PDXDC1: variants seen among roughly 807,000 people sequenced by gnomAD.
PDXDC1 encodes pyridoxal dependent decarboxylase domain containing 1, also known as pyridoxal-dependent decarboxylase domain-containing protein 1.
PDXDC1 carries 42 observed loss-of-function variants against 100.1 expected under a neutral mutation model. The ratio of observed to expected loss-of-function variants is 0.42; its 90% CI spans 0.33 to 0.54. The LOEUF (loss-of-function observed/expected upper bound fraction) is 0.54, where lower values mean the gene tolerates loss of function less well. Among genes scored for constraint, PDXDC1 ranks in the 20% least tolerant of loss-of-function variants. The pLI is 0.10. For synonymous variants in PDXDC1, 260 were observed against 371.7 expected, an observed-to-expected ratio of 0.70 and a Z score of 3.46; for missense variants, 636 against 979.2, an observed-to-expected ratio of 0.65 and a Z score of 4.68.
At chr16:15,111,583 C>A (rs1251635815) in intron 16 of PDXDC1, among the ~76,000 whole-genome samples, 1 of 146,812 alleles carries the variant, frequency 6.8e-6, no homozygotes, top group East Asian at 1.9e-4. Flanking sequence ...CATGGTGAAA[C>A]CCCGTCTCTA....
chr16:15,069,599 C>A (rs1302916453), intron 16 of PDXDC1, among the ~76,000 whole-genome samples: 1 of 152,168 alleles, frequency 6.6e-6, no homozygotes, highest in Non-Finnish European at 1.5e-5. Flanking sequence ...TAGGGTCAGC[C>A]AAACCTGGCT....
At chr16:14,990,125 TC>T in intron 1 of PDXDC1, 1 of 1,461,460 alleles carries the variant, frequency 6.8e-7, no homozygotes, top group Non-Finnish European at 9.0e-7. Context: ...TCGACAGCAG[TC>T]CCGGCAGCCC....
At chr16:15,131,294 C>A (rs1219187186) in intron 16 of PDXDC1, 9 of 1,572,126 alleles carry the variant, frequency 5.7e-6, no homozygotes, top group Non-Finnish European at 6.1e-6. Context: ...GGGATCTGGG[C>A]GCCGGCCTGT....
chr16:15,017,543 A>T (rs890357270), intron 11 of PDXDC1, 121 bp downstream of exon 11: 2 of 738,106 alleles, frequency 2.7e-6, no homozygotes, highest in African/African-American at 3.6e-5. Context: ...CTTCTATTTC[A>T]TTTTTTTAAA....
chr16:14,999,851 A>G (rs1972773726), intron 3 of PDXDC1, among the ~76,000 whole-genome samples: 1 of 152,270 alleles, frequency 6.6e-6, no homozygotes, highest in Non-Finnish European at 1.5e-5. Flanking sequence ...TCCCTGAGAC[A>G]AACTTTTTTT....
chr16:15,031,872 G>A lies in PDXDC1; in HGVS notation c.1537G>A (p.Asp513Asn), dbSNP rs758629480. Reference sequence around the variant, plus strand: ...AGCAACAGCAGGTCTCCTATATGTTGATGACCCTAACTGGTCTGGAATAGG... The same window carrying A: ...AGCAACAGCAGGTCTCCTATATGTTAATGACCCTAACTGGTCTGGAATAGG... ...VEATAGLLYV[D>N]DPNWSGIGVV... The change falls in exon 17 of 23, where the codon GAT becomes AAT. Residue 513 changes from aspartate to asparagine, a missense_variant. This residue lies in a region of PDXDC1 where 452 missense variants were observed against 402.9 expected (regional missense o/e 1.12). Coordinates refer to ENST00000396410, the MANE Select transcript of PDXDC1 (RefSeq NM_015027.4). 1 of 1,613,504 alleles carries A rather than the reference G, an allele frequency of 6.2e-7. No homozygotes were observed. The highest frequency in any genetic ancestry group is 8.5e-7 in the Non-Finnish European group (1 of 1,179,714).
chr16:15,061,724 T>C (rs2044718595), intron 16 of PDXDC1: 2 of 1,598,712 alleles, frequency 1.3e-6, no homozygotes, highest in Non-Finnish European at 1.7e-6. Context: ...ATGTCACATC[T>C]CAGTCACAAA....
chr16:15,039,623 G>A (rs1297450518), downstream of PDXDC1, among the ~76,000 whole-genome samples: 5 of 152,144 alleles, frequency 3.3e-5, no homozygotes, highest in Admixed American at 2.6e-4. Flanking sequence ...GAGTGCAGAG[G>A]GGAGAAACCT....
At position 15,038,174 on chromosome 16, in the gene PDXDC1, A is replaced by T. The variant is rs1567750319; in HGVS notation, c.*1899A>T. ...AAGGTAGATCTAATATGTTCAACAA[A>T]GTGGGGTGGCTCAGCCAGAGGCGAA... On this transcript the variant is annotated 3_prime_UTR_variant, in exon 23 of 23. Coordinates refer to ENST00000396410, the MANE Select transcript of PDXDC1 (RefSeq NM_015027.4). 2 of 1,613,546 alleles carry T rather than the reference A, an allele frequency of 1.2e-6. No individual in the cohort carries two copies. The highest frequency in any genetic ancestry group is 1.1e-5 in the South Asian group (1 of 90,884).
chr16:14,984,614 C>T (rs1197494962), intron 1 of PDXDC1, among the ~76,000 whole-genome samples: 1 of 151,826 alleles, frequency 6.6e-6, no homozygotes, highest in African/African-American at 2.4e-5. Context: ...TCTCCTGCCT[C>T]AGCCTCCTGA....
intron 16 of PDXDC1, among the ~76,000 whole-genome samples, chr16:15,097,407 G>A (rs1201012392): frequency 6.8e-6 from 1 of 146,800 alleles, no homozygotes; most frequent in East Asian, 2.0e-4. Context: ...GGCGGATCAC[G>A]AGGTCAGGAG....
At chr16:15,033,494 T>C in intron 19 of PDXDC1, 95 bp downstream of exon 19, 1 of 1,377,670 alleles carries the variant, frequency 7.3e-7, no homozygotes, top group Non-Finnish European at 1.0e-6. Context: ...GGGATGTCTG[T>C]TCGTTGTCTC....
chr16:15,066,898 T>C (rs1438764030), intron 16 of PDXDC1, among the ~76,000 whole-genome samples: 1 of 152,046 alleles, frequency 6.6e-6, no homozygotes, highest in African/African-American at 2.4e-5. Context: ...GTGCCTCCAA[T>C]GCGCATGCCA....
At chr16:15,032,667 A>T in intron 17 of PDXDC1, 194 bp from the exon 18 acceptor site, 2 of 501,640 alleles carry the variant, frequency 4.0e-6, no homozygotes, top group Non-Finnish European at 7.0e-6. Flanking sequence ...AAAAAAAAAA[A>T]AAGGCTTTCC....
At chr16:15,080,236 A>G (rs1404166145) in intron 16 of PDXDC1, 1 of 1,121,038 alleles carries the variant, frequency 8.9e-7, no homozygotes, top group East Asian at 2.8e-5. Context: ...TACAAAAACT[A>G]TACTGTTTCT....
At chr16:15,041,742 G>C (rs559686951), downstream of PDXDC1, 5 of 1,178,962 alleles carry the variant, frequency 4.2e-6, no homozygotes, top group Admixed American at 8.4e-5. Flanking sequence ...AAACTGCTGA[G>C]CAAGCCAACG....
At chr16:15,058,220 A>G (rs948649522) in intron 16 of PDXDC1, among the ~76,000 whole-genome samples, 5 of 151,948 alleles carry the variant, frequency 3.3e-5, no homozygotes, top group African/African-American at 1.2e-4. Flanking sequence ...ATCAAGCCCT[A>G]GAGGTCAAGG....
chr16:15,076,606 T>A (rs777143799), intron 16 of PDXDC1: 1 of 1,613,566 alleles, frequency 6.2e-7, no homozygotes, highest in South Asian at 1.1e-5. Flanking sequence ...AAGTTTGAGT[T>A]GCTGTTTCTT....
intron 1 of PDXDC1, chr16:14,989,795 A>C (rs1970303884): frequency 6.5e-7 from 1 of 1,542,986 alleles, no homozygotes; most frequent in East Asian, 2.5e-5. Flanking sequence ...CGAAGGGCAC[A>C]AAGTCCGGCG....
Sources: gnomAD v4.1 joint callset for allele counts (sites outside exome capture counted in the v4.1 genomes callset) on GRCh38, gnomAD v4.1.1 for gene constraint, gnomAD v4.1.1 regional missense constraint, MANE v1.5 for transcripts, NCBI Gene and HGNC (gene_info 2026-07-23, HGNC 2026-07-21) for gene names.